The following FCRL1 variants were observed in gnomAD, a reference collection of about 807,000 sequenced individuals.
FCRL1 encodes Fc receptor-like protein 1.
A neutral mutation model predicts 49.2 loss-of-function variants in FCRL1; 34 were observed. That is an observed-to-expected ratio of 0.69 (90% CI 0.53 to 0.92). The LOEUF (loss-of-function observed/expected upper bound fraction) is 0.92. Among genes scored for constraint, FCRL1 ranks in the 40% least tolerant of loss-of-function variants. The probability of loss-of-function intolerance (pLI) is 0.00; values close to 1 mark genes in which losing one functional copy is unlikely to be tolerated. For missense variants in FCRL1, 524 were observed against 524.1 expected (o/e 1.00, Z 0.00); for synonymous variants, 218 against 201.6 (o/e 1.08, Z -0.69).
chr1:157,804,071 C>T lies in FCRL1; in HGVS notation c.93G>A (p.Gly31=). The T allele has an allele frequency of 6.2e-7, 1 of 1,614,164 alleles. No individual in the cohort carries two copies. The highest frequency in any genetic ancestry group is 8.5e-7 in the Non-Finnish European group (1 of 1,180,026). ...LIASPSHPTE[G]SPVTLTCKMP... is the part of the protein sequence containing the mutation. ...TCTTACACGTCAGGGTCACTGGGCT[C>T]CCCTCTGTGGGATGGGAGGGGCTGG... The change falls in exon 3 of 11, where the codon GGG becomes GGA. Residue 31 remains glycine, a synonymous_variant. Coordinates refer to ENST00000368176, the MANE Select transcript of FCRL1 (RefSeq NM_052938.5).
At position 157,794,521 on chromosome 1, in the gene FCRL1, C is replaced by G. The variant is rs964743316; in HGVS notation, c.*1578G>C. 30 of 152,230 alleles carry G rather than the reference C, an allele frequency of 2.0e-4. No individual in the cohort carries two copies. Among genetic ancestry groups the G allele is most frequent in the African/African-American group, 7.2e-4 (30 of 41,530 alleles). The allele number at this position is 152,230 out of a possible 1,614,324, so 9.4% of individuals were successfully genotyped here. On this transcript the variant is annotated 3_prime_UTR_variant, in exon 11 of 11. Coordinates refer to ENST00000368176, the MANE Select transcript of FCRL1 (RefSeq NM_052938.5). ...AAGATATAAATTGATACAGCCTTAC[C>G]TGAGAGACATTGAAGACTATTTAAC...
intron 2 of FCRL1, 104 bp from the exon 3 acceptor site, chr1:157,804,215 G>T: frequency 7.1e-7 from 1 of 1,414,322 alleles, no homozygotes; most frequent in Non-Finnish European, 9.6e-7. Context: ...GAAACAGCCA[G>T]TTGGACACAC....
chr1:157,801,314 G>A (rs1218266645), intron 6 of FCRL1, 147 bp downstream of exon 6: 1 of 659,290 alleles, frequency 1.5e-6, no homozygotes, highest in Admixed American at 2.4e-5. Context: ...AATAGGCACT[G>A]TTCCTACCCG....
chr1:157,817,597 C>A (rs1000677482), intron 1 of FCRL1, among the ~76,000 whole-genome samples: 4 of 152,006 alleles, frequency 2.6e-5, no homozygotes, highest in Admixed American at 2.0e-4. Flanking sequence ...GGGGAAAGCT[C>A]TATGTCACTG....
intron 1 of FCRL1, among the ~76,000 whole-genome samples, chr1:157,814,616 A>G (rs1001710268): frequency 6.6e-6 from 1 of 152,060 alleles, no homozygotes; most frequent in Admixed American, 6.6e-5. Flanking sequence ...GTCCGTACCT[A>G]TCCATAGTAA....
chr1:157,817,754 A>G (rs145907895), intron 1 of FCRL1, among the ~76,000 whole-genome samples: 1 of 152,252 alleles, frequency 6.6e-6, no homozygotes, highest in Non-Finnish European at 1.5e-5. Context: ...TGAAATAGGA[A>G]AAAGTACTTG....
At chr1:157,804,883 AG>A (rs778081451) in intron 2 of FCRL1, among the ~76,000 whole-genome samples, 1 of 148,720 alleles carries the variant, frequency 6.7e-6, no homozygotes, top group South Asian at 2.1e-4. Context: ...TTTTTGAGAC[AG>A]GGTCATGTTC....
At chr1:157,819,755 AT>A (rs1424983585) in intron 1 of FCRL1, among the ~76,000 whole-genome samples, 3 of 152,176 alleles carry the variant, frequency 2.0e-5, no homozygotes, top group Non-Finnish European at 4.4e-5. Context: ...ACAATTATTG[AT>A]GGAAAGGAAG....
chr1:157,807,203 C>A, intron 1 of FCRL1, 81 bp from the exon 2 acceptor site: 1 of 1,465,844 alleles, frequency 6.8e-7, no homozygotes. Flanking sequence ...GAGAGCTTCC[C>A]CAACACCACA....
intron 6 of FCRL1, 62 bp downstream of exon 6, chr1:157,801,399 C>A: frequency 9.5e-7 from 1 of 1,051,614 alleles, no homozygotes; most frequent in Non-Finnish European, 1.5e-6. Flanking sequence ...GTCACAATTT[C>A]AGCCTATTTC....
At chr1:157,799,641 G>A (rs1652097797) in intron 7 of FCRL1, among the ~76,000 whole-genome samples, 1 of 152,030 alleles carries the variant, frequency 6.6e-6, no homozygotes, top group Admixed American at 6.6e-5. Context: ...GGACTGTTGT[G>A]GGGTGCGGGG....
chr1:157,804,253 C>A (rs376709637), intron 2 of FCRL1, 142 bp from the exon 3 acceptor site: 58 of 942,242 alleles, frequency 6.2e-5, no homozygotes, highest in Admixed American at 1.4e-4. Context: ...TCCACCCCCC[C>A]CCCAGTGGCC....
Position 157,801,763 on chromosome 1 carries a change from A to G in FCRL1, c.886+152T>C, listed in dbSNP as rs573301949. ...AGCTGCACCCAACCTTGAGTTCTCCATGCCCCTCCAATACATCACTCATGA... is the reference window on the plus strand; with the variant it reads ...AGCTGCACCCAACCTTGAGTTCTCCGTGCCCCTCCAATACATCACTCATGA... On this transcript the variant is annotated intron_variant, in intron 5 of 10. Coordinates refer to ENST00000368176, the MANE Select transcript of FCRL1 (RefSeq NM_052938.5). 123 of 954,360 alleles carry G rather than the reference A, an allele frequency of 1.3e-4. No homozygotes were observed. The South Asian group carries it at 1.9e-3, about 15-fold the overall frequency. 59.1% of individuals were successfully genotyped at this position (954,360 alleles called of 1,614,324 possible).
At chr1:157,813,673 T>A (rs1181877137) in intron 1 of FCRL1, among the ~76,000 whole-genome samples, 1 of 152,278 alleles carries the variant, frequency 6.6e-6, no homozygotes, top group East Asian at 1.9e-4. Context: ...GAAAGCATAT[T>A]TGATAAAATA....
rs150929158 is a variant in FCRL1 at position 157,797,809 on chromosome 1, G to T, written c.1186+59C>A. ...TGTCTGCCATGCACAGCCACTGATT[G>T]TTCTCTTGGTTCTGGGAAAGACAAA... On this transcript the variant is annotated intron_variant, in intron 9 of 10. Transcript: ENST00000368176. 35 of 1,613,418 alleles carry T rather than the reference G, an allele frequency of 2.2e-5. No homozygotes were observed. In the African/African-American group the frequency reaches 3.1e-4, roughly 14 times the overall value.
In FCRL1 at chr1:157,802,534, C is replaced by T. The variant is rs763541798; in HGVS notation, c.450G>A (p.Gly150=). 16 of 1,614,186 alleles carry T rather than the reference C, an allele frequency of 9.9e-6. No individual in the cohort carries two copies. Among genetic ancestry groups the T allele is most frequent in the African/African-American group, 1.3e-5 (1 of 75,026 alleles). ...TTGACTGAAGGTTTAAACCTACAGC[C>T]CCTTTGTACCAAAGGAAGGTGATGT... ...TGDITFLWYK[G]AVGLNLQSKT... The change falls in exon 4 of 11, where the codon GGG becomes GGA. Residue 150 remains glycine (G), a synonymous_variant. Transcript: ENST00000368176.
At chr1:157,799,559 A>C (rs1041615731) in intron 7 of FCRL1, among the ~76,000 whole-genome samples, 6 of 152,042 alleles carry the variant, frequency 3.9e-5, no homozygotes, top group East Asian at 1.9e-4. Flanking sequence ...TTGGTGTATA[A>C]GAATGCTTGT....
chr1:157,798,272 T>C lies in FCRL1; in HGVS notation c.1032-29A>G, dbSNP rs750369235. 5.2e-6 allele frequency: 8 copies of C among 1,549,716 alleles called. No homozygotes were observed. In the East Asian group the frequency reaches 1.8e-4, roughly 35 times the overall value. ...CAAACACAGAGACACATGTTATTTATCTGAAATTGCATCCCAGATCATGCA... is the reference window on the plus strand; with the variant it reads ...CAAACACAGAGACACATGTTATTTACCTGAAATTGCATCCCAGATCATGCA... On this transcript the variant is annotated intron_variant, in intron 7 of 10. Coordinates refer to ENST00000368176, the MANE Select transcript of FCRL1 (RefSeq NM_052938.5).
rs757346370 is a variant in FCRL1 at position 157,800,105 on chromosome 1, G to A, written c.1004-20C>T. 2.5e-6 allele frequency: 4 copies of A among 1,612,248 alleles called. No individual in the cohort carries two copies. The Admixed American group carries it at 6.7e-5, about 27-fold the overall frequency. ...GTCTTCCTGAAAGAAAAACAAATGA[G>A]CATACACATAAATGGAAGAACCCTC... is the stretch of plus-strand genomic sequence containing the variant. On this transcript the variant is annotated intron_variant, in intron 6 of 10. Coordinates refer to ENST00000368176, the MANE Select transcript of FCRL1 (RefSeq NM_052938.5).
Sources: allele counts gnomAD v4.1 joint callset (sites outside exome capture counted in the v4.1 genomes callset), GRCh38; gene constraint gnomAD v4.1.1; transcripts MANE v1.5; gene names NCBI Gene and HGNC (gene_info 2026-07-23, HGNC 2026-07-21).